The following ST6GAL1 variants were observed in gnomAD, a reference collection of about 807,000 sequenced individuals.
The protein encoded by ST6GAL1 is beta-galactoside alpha-2,6-sialyltransferase 1.
ST6GAL1 carries 20 observed loss-of-function variants against 38.0 expected under a neutral mutation model. That is an observed-to-expected ratio of 0.53 (90% CI 0.37 to 0.77). The LOEUF is 0.77. ST6GAL1 is among the 30% of genes least tolerant of loss of function. The pLI is 0.00. For synonymous variants in ST6GAL1, 196 were observed against 188.2 expected, an observed-to-expected ratio of 1.04 and a Z score of -0.34; for missense variants, 432 against 496.4, an observed-to-expected ratio of 0.87 and a Z score of 1.23.
intron 1 of ST6GAL1, among the ~76,000 whole-genome samples, chr3:186,943,438 C>T (rs1030978716): frequency 6.6e-6 from 1 of 152,072 alleles, no homozygotes; most frequent in African/African-American, 2.4e-5. Context: ...ATTATTATCT[C>T]AATTTTTTAT....
intron 5 of ST6GAL1, among the ~76,000 whole-genome samples, chr3:187,065,040 G>A (rs1430755246): frequency 6.8e-6 from 1 of 146,458 alleles, no homozygotes; most frequent in Non-Finnish European, 1.5e-5. Context: ...TTTTGCTCTT[G>A]CGCTCAGGCT....
chr3:186,950,251 A>G (rs754171624), intron 1 of ST6GAL1, among the ~76,000 whole-genome samples: 15 of 152,210 alleles, frequency 9.9e-5, no homozygotes, highest in Non-Finnish European at 1.8e-4. Flanking sequence ...GGGAGGGCAG[A>G]GCTAACAGTG....
chr3:186,945,139 C>G (rs909398512), intron 1 of ST6GAL1, among the ~76,000 whole-genome samples: 1 of 151,926 alleles, frequency 6.6e-6, no homozygotes, highest in African/African-American at 2.4e-5. Context: ...GGCAACATAG[C>G]GAGACCCTAA....
chr3:186,962,672 C>A (rs139405345), intron 1 of ST6GAL1, among the ~76,000 whole-genome samples: 52 of 152,276 alleles, frequency 3.4e-4, no homozygotes, highest in African/African-American at 1.2e-3. Flanking sequence ...CAGTTTTATT[C>A]CTAAGACTGT....
At chr3:187,005,448 G>T (rs914344577) in intron 2 of ST6GAL1, among the ~76,000 whole-genome samples, 1 of 151,738 alleles carries the variant, frequency 6.6e-6, no homozygotes, top group Admixed American at 6.6e-5. Flanking sequence ...GCTAACTTTT[G>T]TATTTTTTAG....
chr3:186,969,654 T>A (rs1715282098), intron 2 of ST6GAL1, among the ~76,000 whole-genome samples: 1 of 152,230 alleles, frequency 6.6e-6, no homozygotes, highest in African/African-American at 2.4e-5. Flanking sequence ...GCAAGTAAGC[T>A]AATTATTGCA....
chr3:186,970,132 T>A (rs531585717), intron 2 of ST6GAL1, among the ~76,000 whole-genome samples: 2 of 152,270 alleles, frequency 1.3e-5, no homozygotes, highest in African/African-American at 4.8e-5. Flanking sequence ...TGTGTATAGT[T>A]TGTGTCATTT....
rs75284887 is a variant in ST6GAL1 at position 187,000,822 on chromosome 3, T to C, written c.-183+36896T>C. 5.1e-3 allele frequency among the ~76,000 whole-genome samples: 773 copies of C among 152,358 alleles called. 23 individuals carry two copies. The East Asian group carries it at 0.079, about 16-fold the overall frequency. On this transcript the variant is annotated intron_variant, in intron 2 of 7. Transcript: ENST00000169298. ...ATTTTCGTAAGGTTTCACTTCTGTT[T>C]TCCCAGCCATGAGTGATACATGAGC...
At chr3:186,941,024 A>T (rs1714150047) in intron 1 of ST6GAL1, among the ~76,000 whole-genome samples, 1 of 152,154 alleles carries the variant, frequency 6.6e-6, no homozygotes, top group Admixed American at 6.5e-5. Context: ...GCACTCTGGA[A>T]AGCTGAATTG....
intron 3 of ST6GAL1, among the ~76,000 whole-genome samples, chr3:187,040,779 ATCT>A (rs1718098547): frequency 6.6e-6 from 1 of 152,134 alleles, no homozygotes; most frequent in African/African-American, 2.4e-5. Flanking sequence ...TCACTTCATG[ATCT>A]TCTATCTGAA....
At chr3:186,970,647 A>G (rs1715318049) in intron 2 of ST6GAL1, among the ~76,000 whole-genome samples, 1 of 152,158 alleles carries the variant, frequency 6.6e-6, no homozygotes, top group Admixed American at 6.5e-5. Context: ...AAATAGGATC[A>G]TACAATATAC....
intron 2 of ST6GAL1, among the ~76,000 whole-genome samples, chr3:186,975,551 A>G (rs1051971549): frequency 3.9e-5 from 6 of 151,972 alleles, no homozygotes; most frequent in Non-Finnish European, 7.4e-5. Context: ...TTGCTGTTCA[A>G]CCAGTCTCCC....
chr3:186,972,630 G>A (rs1352249760), intron 2 of ST6GAL1, among the ~76,000 whole-genome samples: 4 of 152,086 alleles, frequency 2.6e-5, no homozygotes, highest in Admixed American at 2.0e-4. Flanking sequence ...CACATAACAC[G>A]GCTCATGTGT....
At chr3:187,006,161 C>T (rs1030234384) in intron 2 of ST6GAL1, 2 of 152,228 alleles carry the variant, frequency 1.3e-5, no homozygotes, top group African/African-American at 4.8e-5. Flanking sequence ...GGAGGATAAA[C>T]TGAGAAATGG....
chr3:187,061,345 A>G (rs963060711), intron 5 of ST6GAL1, among the ~76,000 whole-genome samples: 3 of 152,178 alleles, frequency 2.0e-5, no homozygotes, highest in African/African-American at 7.2e-5. Context: ...AATCCAAAAG[A>G]TATTTCTTTT....
chr3:186,933,153 T>C (rs12493118), intron 1 of ST6GAL1, among the ~76,000 whole-genome samples: 117,795 of 152,186 alleles, frequency 0.77, 45,797 homozygotes, highest in East Asian at 0.96. Flanking sequence ...ATATACCCAC[T>C]TTTTCCTAAT....
chr3:186,986,691 T>A (rs1404316582), intron 2 of ST6GAL1: 1 of 152,084 alleles, frequency 6.6e-6, no homozygotes, highest in Non-Finnish European at 1.5e-5. Context: ...TTATCTGAGT[T>A]CTGGATGGAG....
intron 2 of ST6GAL1, among the ~76,000 whole-genome samples, chr3:187,033,505 A>C (rs1450251622): frequency 6.6e-6 from 1 of 152,200 alleles, no homozygotes. Context: ...AACCATTTAC[A>C]TTTTTTCTAG....
chr3:187,062,161 A>C (rs1175789258), intron 5 of ST6GAL1, among the ~76,000 whole-genome samples: 1 of 150,804 alleles, frequency 6.6e-6, no homozygotes, highest in Admixed American at 6.5e-5. Flanking sequence ...CCAAGAATAC[A>C]ACACAGCACC....
Sources: allele counts gnomAD v4.1 joint callset (sites outside exome capture counted in the v4.1 genomes callset), GRCh38; gene constraint gnomAD v4.1.1; transcripts MANE v1.5; gene names NCBI Gene and HGNC (gene_info 2026-07-23, HGNC 2026-07-21).